Variants in DMD observed in about 807,000 individuals in gnomAD.
The protein encoded by DMD is mutant dystrophin.
DMD carries 63 observed loss-of-function variants against 330.1 expected under a neutral mutation model. That is an observed-to-expected ratio of 0.19 (90% CI 0.16 to 0.24). The LOEUF (loss-of-function observed/expected upper bound fraction) is 0.24. Ranked by LOEUF, DMD falls within the 10% of genes least tolerant of loss-of-function variation. The pLI, the probability that DMD is intolerant of heterozygous loss-of-function variation, is 1.00. For synonymous variants in DMD, 1,223 were observed against 959.8 expected, an observed-to-expected ratio of 1.27 and a Z score of -5.07; for missense variants, 3,344 against 2,684.1, an observed-to-expected ratio of 1.25 and a Z score of -5.43.
chrX:33,110,922 T>C (rs146123493), intron 1 of DMD, among the ~76,000 whole-genome samples: 2,897 of 111,068 alleles, frequency 0.026, 55 homozygotes, highest in Middle Eastern at 0.11. Context: ...TTAATAATTT[T>C]AAAAAACATT....
intron 48 of DMD, among the ~76,000 whole-genome samples, chrX:31,865,936 A>G (rs1184755900): frequency 4.5e-5 from 5 of 110,876 alleles, no homozygotes; most frequent in Admixed American, 1.9e-4. Context: ...CATTCTCACT[A>G]TTCTGTTTCT....
At chrX:32,560,387 C>G (rs1326868319) in intron 16 of DMD, among the ~76,000 whole-genome samples, 3 of 110,983 alleles carry the variant, frequency 2.7e-5, no homozygotes, top group Non-Finnish European at 5.7e-5. Flanking sequence ...AGTAATGCTT[C>G]AAATCACATA....
intron 60 of DMD, among the ~76,000 whole-genome samples, chrX:31,407,468 T>A (rs1426429905): frequency 4.4e-5 from 2 of 45,161 alleles, no homozygotes; most frequent in Non-Finnish European, 6.7e-5. Flanking sequence ...GCTTGGCCCT[T>A]TTTTTTTTTC....
At chrX:32,796,909 C>CTTTA (rs1321467514) in intron 7 of DMD, among the ~76,000 whole-genome samples, 1 of 111,765 alleles carries the variant, frequency 8.9e-6, no homozygotes, top group Non-Finnish European at 1.9e-5. Flanking sequence ...TCAACAAAGA[C>CTTTA]TTTAGTTCAT....
chrX:32,597,616 G>A (rs1315321556), intron 12 of DMD, among the ~76,000 whole-genome samples: 1 of 111,345 alleles, frequency 9.0e-6, no homozygotes, highest in Non-Finnish European at 1.9e-5. Context: ...TACAAATGTG[G>A]CTCTGAAAAA....
chrX:32,602,026 G>A (rs1366904770), intron 12 of DMD, among the ~76,000 whole-genome samples: 1 of 111,760 alleles, frequency 8.9e-6, no homozygotes, highest in African/African-American at 3.2e-5. Flanking sequence ...CATCATAAGT[G>A]CAGGAAGAGA....
At chrX:32,400,208 G>A (rs1822475332) in intron 30 of DMD, among the ~76,000 whole-genome samples, 1 of 111,761 alleles carries the variant, frequency 8.9e-6, no homozygotes, top group Admixed American at 9.5e-5. Flanking sequence ...TGCATCTATT[G>A]AGATAATCAT....
At chrX:31,332,278 G>T (rs1229335808) in intron 61 of DMD, among the ~76,000 whole-genome samples, 1 of 112,358 alleles carries the variant, frequency 8.9e-6, no homozygotes, top group Non-Finnish European at 1.9e-5. Context: ...GCATGCTTCA[G>T]TATGAAGTAG....
At chrX:32,762,985 A>C (rs1046958967) in intron 7 of DMD, among the ~76,000 whole-genome samples, 1 of 111,817 alleles carries the variant, frequency 8.9e-6, no homozygotes, top group African/African-American at 3.3e-5. Flanking sequence ...TTATTTTTCA[A>C]TTAAAATGTA....
At chrX:33,174,727 G>A (rs1258128517) in intron 1 of DMD, among the ~76,000 whole-genome samples, 3 of 111,416 alleles carry the variant, frequency 2.7e-5, no homozygotes, top group Non-Finnish European at 5.7e-5. Flanking sequence ...AAATAAGAAG[G>A]AAATAGATGA....
intron 1 of DMD, among the ~76,000 whole-genome samples, chrX:33,337,135 G>A (rs1240186348): frequency 9.0e-6 from 1 of 111,310 alleles, no homozygotes; most frequent in Non-Finnish European, 1.9e-5. Flanking sequence ...TATCTTCATT[G>A]AAAAAGAAAA....
intron 62 of DMD, among the ~76,000 whole-genome samples, chrX:31,319,975 C>T (rs1318198332): frequency 8.9e-6 from 1 of 111,970 alleles, no homozygotes; most frequent in Non-Finnish European, 1.9e-5. Flanking sequence ...CAAAAAACTA[C>T]AAAATGGCAG....
chrX:32,353,107 GT>G (rs1369425186), intron 37 of DMD, among the ~76,000 whole-genome samples: 2 of 110,752 alleles, frequency 1.8e-5, no homozygotes, highest in Non-Finnish European at 3.8e-5. Context: ...CAAACCAATT[GT>G]TTTAGCTATG....
At chrX:32,588,732 T>C (rs1405108245) in intron 13 of DMD, among the ~76,000 whole-genome samples, 4 of 111,248 alleles carry the variant, frequency 3.6e-5, no homozygotes, top group Non-Finnish European at 7.5e-5. Context: ...TTGAGAAATG[T>C]TGACAAGAAC....
intron 52 of DMD, among the ~76,000 whole-genome samples, chrX:31,711,552 T>C (rs182618674): frequency 8.9e-5 from 10 of 111,746 alleles, no homozygotes; most frequent in Middle Eastern, 4.6e-3. Context: ...CATTCCATTA[T>C]CTTAAAATCA....
intron 44 of DMD, among the ~76,000 whole-genome samples, chrX:31,996,573 A>G (rs999474759): frequency 8.9e-6 from 1 of 111,732 alleles, no homozygotes; most frequent in African/African-American, 3.3e-5. Context: ...GTTGAATAAA[A>G]ATCCACATTT....
At chrX:32,380,074 C>T (rs772181236) in intron 34 of DMD, among the ~76,000 whole-genome samples, 2 of 111,363 alleles carry the variant, frequency 1.8e-5, no homozygotes, top group African/African-American at 6.5e-5. Flanking sequence ...GCATAGACAC[C>T]TTGAGATTCT....
At chrX:32,577,309 C>T (rs924155307) in intron 13 of DMD, among the ~76,000 whole-genome samples, 1 of 111,917 alleles carries the variant, frequency 8.9e-6, no homozygotes, top group East Asian at 2.8e-4. Context: ...CTTCTGGCCC[C>T]CAGAATGGTG....
At chrX:31,875,821 A>C (rs2093958976) in intron 47 of DMD, among the ~76,000 whole-genome samples, 1 of 112,605 alleles carries the variant, frequency 8.9e-6, no homozygotes, top group African/African-American at 3.2e-5. Context: ...CAGGTCTTCT[A>C]AATCCCAAAT....
Sources: allele counts gnomAD v4.1 joint callset (sites outside exome capture counted in the v4.1 genomes callset), GRCh38; gene constraint gnomAD v4.1.1; transcripts MANE v1.5; gene names NCBI Gene and HGNC (gene_info 2026-07-23, HGNC 2026-07-21).